The following SPCS2 variants were observed in gnomAD, a reference collection of about 807,000 sequenced individuals.
The protein encoded by SPCS2 is SPase 25 kDa subunit.
In SPCS2, 3 loss-of-function variants were observed where a neutral mutation model predicts 22.3. That is an observed-to-expected ratio of 0.13 (90% CI 0.06 to 0.35). The LOEUF (loss-of-function observed/expected upper bound fraction) is 0.35. Among genes scored for constraint, SPCS2 ranks in the 10% least tolerant of loss-of-function variants. The pLI, the probability that SPCS2 is intolerant of heterozygous loss-of-function variation, is 1.00. For missense variants in SPCS2, 169 were observed against 280.9 expected (o/e 0.60, Z 2.85); for synonymous variants, 67 against 97.2 (o/e 0.69, Z 1.83).
chr11:74,970,201 A>G (rs1391205829), intron 4 of SPCS2, among the ~76,000 whole-genome samples: 1 of 152,210 alleles, frequency 6.6e-6, no homozygotes, highest in Non-Finnish European at 1.5e-5. Context: ...TCATGTTCCA[A>G]TTCAGTTTCT....
intron 3 of SPCS2, among the ~76,000 whole-genome samples, chr11:74,968,990 C>T (rs1311255740): frequency 6.6e-6 from 1 of 152,138 alleles, no homozygotes; most frequent in African/African-American, 2.4e-5. Context: ...ATTTAAATGG[C>T]ACAGTATACA....
At chr11:74,957,331 A>G (rs991764568) in intron 1 of SPCS2, among the ~76,000 whole-genome samples, 3 of 152,246 alleles carry the variant, frequency 2.0e-5, no homozygotes, top group African/African-American at 7.2e-5. Context: ...GAAAAGTCAT[A>G]TAACAGTTAA....
chr11:74,963,543 TATTG>T (rs1480691951), intron 1 of SPCS2: 7 of 416,260 alleles, frequency 1.7e-5, no homozygotes, highest in African/African-American at 4.3e-5. Context: ...TTTTATTTTT[TATTG>T]TTTGTTTGTT....
At position 74,949,333 on chromosome 11, in the gene SPCS2, C is replaced by G. The variant is rs532790824; in HGVS notation, c.48C>G (p.Gly16=). ...GCGGGAGAAGCGGTGGTAGCGGAGG[C>G]TGTAGTGGGGCTGGTGGTGCTTCCA... ...VQGGRSGGSG[G]CSGAGGASNC... The change falls in exon 1 of 5, where the codon GGC becomes GGG. Residue 16 remains glycine (G), a synonymous_variant. Coordinates refer to ENST00000263672, the MANE Select transcript of SPCS2 (RefSeq NM_014752.3). 1.9e-6 allele frequency: 3 copies of G among 1,551,042 alleles called. No individual in the cohort carries two copies. Among genetic ancestry groups the G allele is most frequent in the African/African-American group, 2.7e-5 (2 of 73,004 alleles).
At chr11:74,973,245 A>C (rs930564156) in intron 4 of SPCS2, among the ~76,000 whole-genome samples, 4 of 152,186 alleles carry the variant, frequency 2.6e-5, no homozygotes, top group East Asian at 1.9e-4. Flanking sequence ...ATGTCATCAC[A>C]TTGTGCCACT....
intron 1 of SPCS2, among the ~76,000 whole-genome samples, chr11:74,952,545 G>A (rs372099258): frequency 3.3e-5 from 5 of 151,976 alleles, no homozygotes; most frequent in African/African-American, 1.2e-4. Context: ...GTGAACTCCT[G>A]GCCTCAAGTG....
At chr11:74,960,983 A>G (rs1339625063) in intron 1 of SPCS2, among the ~76,000 whole-genome samples, 2 of 152,006 alleles carry the variant, frequency 1.3e-5, no homozygotes, top group African/African-American at 2.4e-5. Flanking sequence ...CTGGAGAGTA[A>G]CATTTTAGAG....
intron 3 of SPCS2, chr11:74,968,043 A>G (rs1948557456): frequency 1.3e-5 from 2 of 152,194 alleles, no homozygotes; most frequent in African/African-American, 4.8e-5. Flanking sequence ...GGATACTAAG[A>G]CTTGGGGAAG....
chr11:74,956,822 C>T (rs574479294), intron 1 of SPCS2, among the ~76,000 whole-genome samples: 3 of 152,070 alleles, frequency 2.0e-5, no homozygotes, highest in Admixed American at 1.3e-4. Context: ...TCAGTTTCTG[C>T]TTGAGTCATT....
At chr11:74,974,252 C>T (rs1186811835) in intron 4 of SPCS2, among the ~76,000 whole-genome samples, 1 of 152,218 alleles carries the variant, frequency 6.6e-6, no homozygotes, top group African/African-American at 2.4e-5. Context: ...TGTTCTGGAA[C>T]CTCTTCTCTA....
chr11:74,972,896 T>TATATATA, intron 4 of SPCS2, among the ~76,000 whole-genome samples: 1 of 78,460 alleles, frequency 1.3e-5, no homozygotes, highest in African/African-American at 5.6e-5. Context: ...ATATATATAT[T>TATATATA]TTTTTTTTTC....
At chr11:74,971,585 C>T (rs1162158288) in intron 4 of SPCS2, among the ~76,000 whole-genome samples, 1 of 152,130 alleles carries the variant, frequency 6.6e-6, no homozygotes, top group Non-Finnish European at 1.5e-5. Flanking sequence ...TGTCTTCTCC[C>T]TCCCCCACCT....
At chr11:74,954,757 G>T (rs905042621) in intron 1 of SPCS2, among the ~76,000 whole-genome samples, 7 of 152,068 alleles carry the variant, frequency 4.6e-5, no homozygotes, top group Non-Finnish European at 8.8e-5. Flanking sequence ...TGTGTCAAAG[G>T]CCACTATCAA....
chr11:74,956,136 G>T (rs1444926947), intron 1 of SPCS2, among the ~76,000 whole-genome samples: 3 of 151,716 alleles, frequency 2.0e-5, no homozygotes, highest in Non-Finnish European at 2.9e-5. Context: ...TTCCTGACCT[G>T]TGTAAATATT....
At position 74,949,300 on chromosome 11, in the gene SPCS2, T is replaced by A. The variant is rs1274387678; in HGVS notation, c.15T>A (p.Ala5=). 7 of 1,543,420 alleles carry A rather than the reference T, an allele frequency of 4.5e-6. No individual in the cohort carries two copies. In the South Asian group the frequency reaches 7.2e-5, roughly 16 times the overall value. Residue 5 remains alanine (A), a synonymous_variant, in exon 1 of 5, where the codon GCT becomes GCA. Coordinates refer to ENST00000263672, the MANE Select transcript of SPCS2 (RefSeq NM_014752.3). ...AGGCGGACAAGATGGCGGCGGCAGC[T>A]GTACAGGGCGGGAGAAGCGGTGGTA... MAAA[A]VQGGRSGGSG...
Position 74,970,309 on chromosome 11 carries a change from TATAATA to T in SPCS2, c.494+614_494+619del, listed in dbSNP as rs56695519. On this transcript the variant is annotated intron_variant, in intron 4 of 4. Transcript: ENST00000263672. The stretch of plus-strand genomic sequence containing the variant: ...GTTTCTGGGAAGATGAAATACCAAT[TATAATA>T]ATAGCAAATGTTTATTGAACATTTA... Among the ~76,000 whole-genome samples the T allele has an allele frequency of 4.9e-3, 741 of 152,324 alleles. 5 individuals are homozygous for T. The highest frequency in any genetic ancestry group is 0.017 in the African/African-American group (711 of 41,568).
chr11:74,953,268 C>T (rs1948457164), intron 1 of SPCS2, among the ~76,000 whole-genome samples: 1 of 151,608 alleles, frequency 6.6e-6, no homozygotes, highest in South Asian at 2.1e-4. Flanking sequence ...TCTCCACTCA[C>T]TGCAACCCCC....
intron 4 of SPCS2, among the ~76,000 whole-genome samples, chr11:74,971,766 C>T (rs1344104667): frequency 6.6e-6 from 1 of 152,206 alleles, no homozygotes; most frequent in Non-Finnish European, 1.5e-5. Context: ...CACTCCCCAG[C>T]AAATTCATTA....
At chr11:74,973,736 G>T (rs1262513070) in intron 4 of SPCS2, among the ~76,000 whole-genome samples, 1 of 151,964 alleles carries the variant, frequency 6.6e-6, no homozygotes, top group Non-Finnish European at 1.5e-5. Context: ...AAACCTGCTA[G>T]GCCTCCTCCC....
Sources: allele counts gnomAD v4.1 joint callset (sites outside exome capture counted in the v4.1 genomes callset), GRCh38; gene constraint gnomAD v4.1.1; transcripts MANE v1.5; gene names NCBI Gene and HGNC (gene_info 2026-07-23, HGNC 2026-07-21).